Variants in FBXO36 observed in about 807,000 individuals in gnomAD.
FBXO36 encodes the protein F-box only protein 36.
FBXO36 carries 18 observed loss-of-function variants against 17.0 expected under a neutral mutation model. That is an observed-to-expected ratio of 1.06 (90% CI 0.73 to 1.57). The LOEUF (loss-of-function observed/expected upper bound fraction) is 1.57. FBXO36 is among the 40% of genes most tolerant of loss of function. The pLI is 0.00. For synonymous variants in FBXO36, 83 were observed against 85.3 expected (o/e 0.97, Z 0.15); for missense variants, 229 against 221.9 (o/e 1.03, Z -0.20).
At chr2:229,992,904 G>C (rs2077305047) in intron 2 of FBXO36, among the ~76,000 whole-genome samples, 1 of 152,118 alleles carries the variant, frequency 6.6e-6, no homozygotes, top group Non-Finnish European at 1.5e-5. Flanking sequence ...GTGGTTGTTG[G>C]CAGGAGGTTT....
At chr2:229,931,252 T>A (rs1277311870) in intron 1 of FBXO36, among the ~76,000 whole-genome samples, 1 of 152,198 alleles carries the variant, frequency 6.6e-6, no homozygotes, top group Non-Finnish European at 1.5e-5. Context: ...CAGCTGGACA[T>A]AGTTCCAGTA....
intron 1 of FBXO36, among the ~76,000 whole-genome samples, chr2:229,962,830 A>G (rs1459255983): frequency 6.6e-6 from 1 of 151,676 alleles, no homozygotes; most frequent in African/African-American, 2.4e-5. Context: ...GGCATGCACC[A>G]CCACATCTGG....
intron 1 of FBXO36, among the ~76,000 whole-genome samples, 160 bp downstream of exon 1, chr2:229,922,769 C>T (rs533599464): frequency 6.6e-6 from 1 of 152,332 alleles, no homozygotes; most frequent in South Asian, 2.1e-4. Flanking sequence ...TCGGCCTCCT[C>T]GGTCCGACGG....
intron 1 of FBXO36, among the ~76,000 whole-genome samples, chr2:229,934,815 C>T (rs1218126716): frequency 2.0e-5 from 3 of 152,010 alleles, no homozygotes; most frequent in African/African-American, 4.8e-5. Context: ...CAACCATGCC[C>T]GGCTAATTTT....
In FBXO36 at chr2:230,011,521, G is replaced by A. The variant is rs1317893495; in HGVS notation, c.*637G>A. 1.3e-5 allele frequency: 2 copies of A among 152,088 alleles called. No individual in the cohort carries two copies. The highest frequency in any genetic ancestry group is 3.9e-4 in the East Asian group (2 of 5,186). 9.4% of individuals were successfully genotyped at this position (152,088 alleles called of 1,614,324 possible). ...CTGGAGAAGTGCAGGCATCCTGCTT[G>A]CGGACCTTGCTCAAAGTACAACTTC... is the stretch of plus-strand genomic sequence containing the variant. On this transcript the variant is annotated 3_prime_UTR_variant, in exon 4 of 4. Transcript: ENST00000283946.
At chr2:229,962,844 A>AT (rs1203831728) in intron 1 of FBXO36, among the ~76,000 whole-genome samples, 1 of 151,026 alleles carries the variant, frequency 6.6e-6, no homozygotes, top group Non-Finnish European at 1.5e-5. Flanking sequence ...CATCTGGCTA[A>AT]TTTTGTATTT....
chr2:229,936,526 T>C (rs1202745078), intron 1 of FBXO36, among the ~76,000 whole-genome samples: 1 of 152,184 alleles, frequency 6.6e-6, no homozygotes, highest in Non-Finnish European at 1.5e-5. Context: ...TTCAGATTAA[T>C]AATATTTACT....
intron 1 of FBXO36, among the ~76,000 whole-genome samples, chr2:229,961,581 G>A (rs1173198429): frequency 3.9e-5 from 6 of 152,038 alleles, no homozygotes; most frequent in South Asian, 2.1e-4. Context: ...TCACCATGTC[G>A]GCCACGATGG....
At chr2:229,975,450 A>G (rs2077202507) in intron 1 of FBXO36, among the ~76,000 whole-genome samples, 1 of 151,494 alleles carries the variant, frequency 6.6e-6, no homozygotes, top group African/African-American at 2.4e-5. Context: ...GGTGATTTTA[A>G]CATCAATTGA....
At chr2:229,979,672 T>G (rs1436511093) in intron 2 of FBXO36, among the ~76,000 whole-genome samples, 2 of 151,356 alleles carry the variant, frequency 1.3e-5, no homozygotes, top group East Asian at 1.9e-4. Flanking sequence ...CCCAGCTACT[T>G]GGGAAGCTGA....
chr2:229,944,575 G>C (rs1352996423), intron 1 of FBXO36, among the ~76,000 whole-genome samples: 9 of 147,330 alleles, frequency 6.1e-5, no homozygotes, highest in Non-Finnish European at 1.3e-4. Context: ...AGCAAAACTG[G>C]TATTTTTTTT....
At chr2:229,975,072 G>A (rs1190757472) in intron 1 of FBXO36, among the ~76,000 whole-genome samples, 1 of 152,102 alleles carries the variant, frequency 6.6e-6, no homozygotes, top group Non-Finnish European at 1.5e-5. Flanking sequence ...TTCTCATCAG[G>A]CCCATTAATT....
intron 2 of FBXO36, among the ~76,000 whole-genome samples, chr2:229,995,173 G>T (rs184018410): frequency 6.6e-6 from 1 of 152,062 alleles, no homozygotes; most frequent in Non-Finnish European, 1.5e-5. Flanking sequence ...GGTAATATGG[G>T]TTTATTGTAC....
intron 1 of FBXO36, among the ~76,000 whole-genome samples, chr2:229,960,029 A>C (rs1435396374): frequency 6.6e-6 from 1 of 152,144 alleles, no homozygotes; most frequent in Non-Finnish European, 1.5e-5. Context: ...GAAAGCATGC[A>C]TAATGATTCT....
intron 1 of FBXO36, among the ~76,000 whole-genome samples, chr2:229,941,460 AAAC>A (rs886246116): frequency 9.9e-5 from 15 of 152,090 alleles, no homozygotes; most frequent in African/African-American, 3.4e-4. Flanking sequence ...GTCTCAAAAA[AAAC>A]AACAACAAAA....
intron 3 of FBXO36, among the ~76,000 whole-genome samples, chr2:230,007,271 G>A (rs923648653): frequency 1.3e-5 from 2 of 152,262 alleles, no homozygotes; most frequent in Non-Finnish European, 2.9e-5. Context: ...GGCCCAGGCC[G>A]GGAAAGAGAT....
At chr2:229,939,849 G>A (rs2076988470) in intron 1 of FBXO36, among the ~76,000 whole-genome samples, 4 of 152,130 alleles carry the variant, frequency 2.6e-5, no homozygotes, top group Admixed American at 2.6e-4. Flanking sequence ...TGAGAGGCCA[G>A]GGTGGGCGGA....
intron 2 of FBXO36, among the ~76,000 whole-genome samples, chr2:229,986,815 G>A (rs1465989851): frequency 1.3e-5 from 2 of 151,916 alleles, no homozygotes; most frequent in Non-Finnish European, 2.9e-5. Flanking sequence ...GATTATAGGT[G>A]TGAGCCACCA....
chr2:230,001,860 C>T (rs1166987764), intron 3 of FBXO36, among the ~76,000 whole-genome samples: 1 of 152,156 alleles, frequency 6.6e-6, no homozygotes, highest in Non-Finnish European at 1.5e-5. Flanking sequence ...CTCCATCACC[C>T]AGGCTGGAGT....
Sources: allele counts gnomAD v4.1 joint callset (sites outside exome capture counted in the v4.1 genomes callset), GRCh38; gene constraint gnomAD v4.1.1; transcripts MANE v1.5; gene names NCBI Gene and HGNC (gene_info 2026-07-23, HGNC 2026-07-21).